Variants in DGKB observed in about 807,000 individuals in gnomAD.
The protein encoded by DGKB is diacylglycerol kinase beta.
DGKB carries 67 observed loss-of-function variants against 114.3 expected under a neutral mutation model. That is an observed-to-expected ratio of 0.59 (90% confidence interval 0.48 to 0.72). The LOEUF (loss-of-function observed/expected upper bound fraction) is 0.72, where lower values mean the gene tolerates loss of function less well. DGKB is among the 30% of genes least tolerant of loss of function. The probability of loss-of-function intolerance (pLI) is 0.00; values close to 1 mark genes in which losing one functional copy is unlikely to be tolerated. For missense variants in DGKB, 907 were observed against 975.2 expected (o/e 0.93, Z 0.93); for synonymous variants, 398 against 323.1 (o/e 1.23, Z -2.49).
rs566114788 is a variant in DGKB, at chr7:14,637,447, C to G, written c.1135-7179G>C. Among the ~76,000 whole-genome samples the G allele has an allele frequency of 7.3e-5, 11 of 151,488 alleles. No individual in the cohort carries two copies. In the East Asian group the frequency reaches 2.1e-3, roughly 29 times the overall value. The stretch of plus-strand genomic sequence containing the variant: ...TCTACAAATGTATACTTTTTATATG[C>G]TCTTTAGGAGCAAACTTCAAGCAGT... On this transcript the variant is annotated intron_variant, in intron 13 of 25. Transcript: ENST00000402815.
At chr7:14,438,184 T>C (rs1298568788) in intron 21 of DGKB, among the ~76,000 whole-genome samples, 1 of 152,074 alleles carries the variant, frequency 6.6e-6, no homozygotes, top group Non-Finnish European at 1.5e-5. Flanking sequence ...TGACCCCAGT[T>C]GTTAGTGTAA....
At chr7:14,371,943 T>C (rs1817721935) in intron 21 of DGKB, among the ~76,000 whole-genome samples, 1 of 152,192 alleles carries the variant, frequency 6.6e-6, no homozygotes. Flanking sequence ...AATGCCTCCA[T>C]GGCCATGCTG....
At chr7:14,305,945 G>C (rs971461449) in intron 23 of DGKB, among the ~76,000 whole-genome samples, 1 of 152,134 alleles carries the variant, frequency 6.6e-6, no homozygotes, top group African/African-American at 2.4e-5. Context: ...ATAGAAGACA[G>C]TGAAAGCAGA....
intron 22 of DGKB, among the ~76,000 whole-genome samples, chr7:14,343,860 CAT>C (rs1216950910): frequency 2.7e-5 from 4 of 147,652 alleles, no homozygotes; most frequent in Non-Finnish European, 4.5e-5. Flanking sequence ...TATAACAATA[CAT>C]ATGACACATA....
intron 23 of DGKB, among the ~76,000 whole-genome samples, chr7:14,238,542 A>C (rs1485184628): frequency 6.6e-6 from 1 of 151,730 alleles, no homozygotes; most frequent in Non-Finnish European, 1.5e-5. Flanking sequence ...TTTTGGGCTT[A>C]ACAAGAATAA....
chr7:14,786,547 T>A (rs760079950), intron 2 of DGKB, among the ~76,000 whole-genome samples: 15 of 152,284 alleles, frequency 9.9e-5, no homozygotes, highest in Non-Finnish European at 1.8e-4. Flanking sequence ...GGAAGGCCTG[T>A]CCCCTTAAGA....
intron 23 of DGKB, among the ~76,000 whole-genome samples, chr7:14,260,443 C>A (rs1342653085): frequency 6.6e-6 from 1 of 152,158 alleles, no homozygotes; most frequent in African/African-American, 2.4e-5. Flanking sequence ...AAATCAAACC[C>A]TGCTGCTGAT....
intron 4 of DGKB, among the ~76,000 whole-genome samples, chr7:14,740,250 T>G (rs1478370774): frequency 6.6e-6 from 1 of 151,958 alleles, no homozygotes; most frequent in African/African-American, 2.4e-5. Flanking sequence ...TTTTTTTTTT[T>G]TTTCTCCACA....
intron 7 of DGKB, 130 bp from the exon 8 acceptor site, chr7:14,698,299 T>G: frequency 1.7e-6 from 1 of 576,846 alleles, no homozygotes; most frequent in Non-Finnish European, 3.0e-6. Context: ...AATATATATA[T>G]GTACATAATC....
chr7:14,411,110 A>G (rs1444214039), intron 21 of DGKB, among the ~76,000 whole-genome samples: 1 of 152,140 alleles, frequency 6.6e-6, no homozygotes, highest in Admixed American at 6.6e-5. Flanking sequence ...AACAACCAGT[A>G]CTGTAGTCTA....
At chr7:14,825,599 T>A (rs1316669264) in intron 2 of DGKB, among the ~76,000 whole-genome samples, 2 of 152,154 alleles carry the variant, frequency 1.3e-5, no homozygotes, top group Non-Finnish European at 2.9e-5. Context: ...ATGCAAGCGA[T>A]GGCGAGTGGC....
intron 13 of DGKB, among the ~76,000 whole-genome samples, chr7:14,636,115 T>G (rs1810707544): frequency 6.6e-6 from 1 of 151,776 alleles, no homozygotes. Context: ...CTAACCAGGT[T>G]AAAGTCCAAT....
chr7:14,471,835 A>G (rs768481295), intron 21 of DGKB, among the ~76,000 whole-genome samples: 1 of 152,152 alleles, frequency 6.6e-6, no homozygotes, highest in Non-Finnish European at 1.5e-5. Context: ...CTTACAGAAT[A>G]AATACCTATT....
intron 4 of DGKB, among the ~76,000 whole-genome samples, chr7:14,747,394 T>C (rs1833459010): frequency 6.6e-6 from 1 of 152,008 alleles, no homozygotes; most frequent in Non-Finnish European, 1.5e-5. Flanking sequence ...CTCAGAGTTT[T>C]CAATTCATTG....
chr7:14,679,515 A>G (rs1820467358), intron 12 of DGKB, among the ~76,000 whole-genome samples: 1 of 152,082 alleles, frequency 6.6e-6, no homozygotes, highest in Non-Finnish European at 1.5e-5. Context: ...AAAAGGAAGT[A>G]ATGGCTTTTG....
chr7:14,721,913 G>A (rs1829230104), intron 5 of DGKB, among the ~76,000 whole-genome samples: 1 of 152,134 alleles, frequency 6.6e-6, no homozygotes, highest in Non-Finnish European at 1.5e-5. Flanking sequence ...ACTGTACAGA[G>A]ATTGAACACT....
chr7:14,304,160 G>C (rs1325800284), intron 23 of DGKB, among the ~76,000 whole-genome samples: 1 of 150,316 alleles, frequency 6.7e-6, no homozygotes, highest in Non-Finnish European at 1.5e-5. Context: ...AAATCAACCT[G>C]TAATTCTTCA....
intron 1 of DGKB, among the ~76,000 whole-genome samples, chr7:14,937,507 A>G (rs1275954009): frequency 6.6e-6 from 1 of 152,176 alleles, no homozygotes; most frequent in Non-Finnish European, 1.5e-5. Flanking sequence ...TATATGTATA[A>G]TTTGCAAAAT....
intron 1 of DGKB, among the ~76,000 whole-genome samples, chr7:14,931,343 C>A (rs759212493): frequency 1.2e-4 from 19 of 152,200 alleles, no homozygotes; most frequent in Non-Finnish European, 1.9e-4. Context: ...AACTCCTGAC[C>A]TCGTGATCCA....
Sources: allele counts gnomAD v4.1 joint callset (sites outside exome capture counted in the v4.1 genomes callset), GRCh38; gene constraint gnomAD v4.1.1; transcripts MANE v1.5; gene names NCBI Gene and HGNC (gene_info 2026-07-23, HGNC 2026-07-21).